The following SP100 variants were observed in gnomAD, a reference collection of about 807,000 sequenced individuals.
SP100 encodes nuclear autoantigen Sp-100.
Under a neutral mutation model 130.0 loss-of-function variants are expected in SP100, and 84 were observed. The observed-to-expected ratio is 0.65, with a 90% CI of 0.54 to 0.77. The LOEUF (loss-of-function observed/expected upper bound fraction) is 0.77, where lower values mean the gene tolerates loss of function less well. SP100 is among the 30% of genes least tolerant of loss of function. The pLI is 0.00. For synonymous variants in SP100, 331 were observed against 351.7 expected (o/e 0.94, Z 0.66); for missense variants, 978 against 1,052.2 (o/e 0.93, Z 0.97).
chr2:230,490,368 T>C (rs1394642410), intron 17 of SP100, among the ~76,000 whole-genome samples: 1 of 152,194 alleles, frequency 6.6e-6, no homozygotes, highest in Non-Finnish European at 1.5e-5. Context: ...TCCATTCCCT[T>C]ATTTTGAGCC....
chr2:230,524,210 G>T (rs535199071), intron 24 of SP100, among the ~76,000 whole-genome samples: 2 of 137,668 alleles, frequency 1.5e-5, no homozygotes, highest in Non-Finnish European at 3.1e-5. Flanking sequence ...AAGAAAATTA[G>T]CCAGGCGTGG....
At chr2:230,438,646 T>TACACAC (rs781338684) in intron 2 of SP100, among the ~76,000 whole-genome samples, 2 of 98,956 alleles carry the variant, frequency 2.0e-5, no homozygotes, top group African/African-American at 7.2e-5. Context: ...GGTGTATATA[T>TACACAC]ATACACACAC....
intron 17 of SP100, among the ~76,000 whole-genome samples, chr2:230,486,752 T>G (rs13013191): frequency 6.6e-6 from 1 of 152,234 alleles, no homozygotes. Context: ...GGAATCACCA[T>G]ACTGTCTTCC....
chr2:230,439,275 T>C (rs1009058678), intron 2 of SP100, among the ~76,000 whole-genome samples: 2 of 152,208 alleles, frequency 1.3e-5, no homozygotes. Context: ...GCTTTGGCAA[T>C]GTGGGCCCTT....
chr2:230,462,373 C>T, intron 9 of SP100, 62 bp from the exon 10 acceptor site: 1 of 1,305,350 alleles, frequency 7.7e-7, no homozygotes. Context: ...GTGGAATTTC[C>T]TGGTGCATGG....
intron 24 of SP100, among the ~76,000 whole-genome samples, chr2:230,513,095 AT>A (rs1213236001): frequency 6.6e-6 from 1 of 152,134 alleles, no homozygotes; most frequent in Admixed American, 6.5e-5. Context: ...TGTGTGGCCC[AT>A]TTCCTAACAG....
At chr2:230,437,211 G>A (rs1304725643) in intron 2 of SP100, among the ~76,000 whole-genome samples, 1 of 152,004 alleles carries the variant, frequency 6.6e-6, no homozygotes, top group Non-Finnish European at 1.5e-5. Context: ...TCATGAATAG[G>A]TTTAAATACG....
At chr2:230,541,797 C>T in intron 27 of SP100, 95 bp from the exon 28 acceptor site, 1 of 1,360,536 alleles carries the variant, frequency 7.4e-7, no homozygotes, top group Non-Finnish European at 1.0e-6. Flanking sequence ...GGATTTTGAC[C>T]TATGGATTGG....
At chr2:230,531,168 C>G (rs1359798563) in intron 24 of SP100, among the ~76,000 whole-genome samples, 1 of 152,116 alleles carries the variant, frequency 6.6e-6, no homozygotes, top group East Asian at 1.9e-4. Context: ...TGGAACCAAC[C>G]CAAATGTCCA....
At chr2:230,505,483 A>G (rs944968425) in intron 21 of SP100, among the ~76,000 whole-genome samples, 1 of 152,240 alleles carries the variant, frequency 6.6e-6, no homozygotes, top group Non-Finnish European at 1.5e-5. Flanking sequence ...ATTCATCTAC[A>G]GCCAGGTGCT....
In SP100 at chr2:230,461,160, G is replaced by T; in HGVS notation, c.821-102G>T. 4 of 1,112,316 alleles carry T rather than the reference G, an allele frequency of 3.6e-6. No homozygotes were observed. The South Asian group carries it at 4.4e-5, about 12-fold the overall frequency. 68.9% of individuals were successfully genotyped at this position (1,112,316 alleles called of 1,614,324 possible). Reference sequence around the variant, plus strand: ...GGAAAAACACGGAGGTGGGGTGAAGGTCTAGCCCCAGCAGTGAAATTGCAG... The same window carrying T: ...GGAAAAACACGGAGGTGGGGTGAAGTTCTAGCCCCAGCAGTGAAATTGCAG... On this transcript the variant is annotated intron_variant, in intron 8 of 28. Coordinates refer to ENST00000340126, the MANE Select transcript of SP100 (RefSeq NM_001080391.2).
In SP100 at chr2:230,515,871, T is replaced by C. The variant is rs1265706459; in HGVS notation, c.2094+4705T>C. On this transcript the variant is annotated intron_variant, in intron 24 of 28. Coordinates refer to ENST00000340126, the MANE Select transcript of SP100 (RefSeq NM_001080391.2). Reference sequence around the variant, plus strand: ...CCTGGTACAGTATGGGGGTTGTAAATTGGCATGGAAATTTAAAGCAGGTTC... The same window carrying C: ...CCTGGTACAGTATGGGGGTTGTAAACTGGCATGGAAATTTAAAGCAGGTTC... 2.4e-6 allele frequency: 3 copies of C among 1,261,900 alleles called. No individual in the cohort carries two copies. In the African/African-American group the frequency reaches 4.6e-5, roughly 19 times the overall value. The allele number at this position is 1,261,900 out of a possible 1,614,324, so 78.2% of individuals were successfully genotyped here. A position where few individuals can be genotyped will look rare whatever the true frequency, so the allele number is the denominator to read the frequency against.
Position 230,417,577 on chromosome 2 carries a change from A to G in SP100, c.33-14A>G, listed in dbSNP as rs2149849510. 6.2e-7 allele frequency: 1 copy of G among 1,609,580 alleles called. No individual in the cohort carries two copies. The highest frequency in any genetic ancestry group is 8.5e-7 in the Non-Finnish European group (1 of 1,178,638). On this transcript the variant is annotated splice_polypyrimidine_tract_variant and intron_variant, in intron 1 of 28. Coordinates refer to ENST00000340126, the MANE Select transcript of SP100 (RefSeq NM_001080391.2). ...TCCAGTTATTTACTTGGTCCTGCCAAATTGTCTTTCTAGGAGGCTGAATGA... is the reference window on the plus strand; with the variant it reads ...TCCAGTTATTTACTTGGTCCTGCCAGATTGTCTTTCTAGGAGGCTGAATGA...
intron 22 of SP100, chr2:230,506,782 TACACAC>T (rs57619257): frequency 0.12 from 22,218 of 181,342 alleles, 1,801 homozygotes; most frequent in Non-Finnish European, 0.15. Context: ...AAATGTTAAA[TACACAC>T]ACACACACAC....
chr2:230,535,714 C>A (rs1691904561), intron 24 of SP100, among the ~76,000 whole-genome samples: 1 of 151,686 alleles, frequency 6.6e-6, no homozygotes, highest in Non-Finnish European at 1.5e-5. Flanking sequence ...TTGAGTCCAG[C>A]CTGCCAACAT....
chr2:230,454,422 T>C (rs1180073191), intron 8 of SP100, among the ~76,000 whole-genome samples: 2 of 152,194 alleles, frequency 1.3e-5, no homozygotes, highest in African/African-American at 4.8e-5. Context: ...CTTGTGTTTA[T>C]TGCTATAAAC....
At chr2:230,517,035 T>G (rs1403222033) in intron 24 of SP100, among the ~76,000 whole-genome samples, 1 of 152,116 alleles carries the variant, frequency 6.6e-6, no homozygotes, top group Non-Finnish European at 1.5e-5. Flanking sequence ...TGGGGAACAT[T>G]TTATCGATAA....
At chr2:230,477,479 T>C (rs982551559) in intron 17 of SP100, among the ~76,000 whole-genome samples, 5 of 152,226 alleles carry the variant, frequency 3.3e-5, no homozygotes, top group Non-Finnish European at 7.3e-5. Context: ...TCATTTTTAA[T>C]GTTTACATAT....
At chr2:230,515,209 A>G (rs1440562705) in intron 24 of SP100, 1 of 1,613,732 alleles carries the variant, frequency 6.2e-7, no homozygotes, top group East Asian at 2.2e-5. Flanking sequence ...ATTTGAAGAT[A>G]TGGCAAAGGC....
Sources: gnomAD v4.1 joint callset for allele counts (sites outside exome capture counted in the v4.1 genomes callset) on GRCh38, gnomAD v4.1.1 for gene constraint, MANE v1.5 for transcripts, NCBI Gene and HGNC (gene_info 2026-07-23, HGNC 2026-07-21) for gene names.